The following FAM169A variants were observed in gnomAD, a reference collection of about 807,000 sequenced individuals.
FAM169A encodes family with sequence similarity 169 member A.
Under a neutral mutation model 75.7 loss-of-function variants are expected in FAM169A, and 24 were observed. The observed-to-expected ratio is 0.32, with a 90% confidence interval of 0.23 to 0.45. The LOEUF (loss-of-function observed/expected upper bound fraction) is 0.45. Ranked by LOEUF, FAM169A falls within the 20% of genes least tolerant of loss-of-function variation. FAM169A has a pLI of 1.00. For missense variants in FAM169A, 673 were observed against 784.0 expected (o/e 0.86, Z 1.69); for synonymous variants, 271 against 271.0 (o/e 1.00, Z 0.00).
chr5:74,793,723 G>A (rs1746102452), intron 11 of FAM169A, among the ~76,000 whole-genome samples: 1 of 152,094 alleles, frequency 6.6e-6, no homozygotes, highest in South Asian at 2.1e-4. Context: ...ACAAAAATAG[G>A]CTGAGCACAG....
At chr5:74,820,881 T>C (rs1377248203) in intron 5 of FAM169A, among the ~76,000 whole-genome samples, 2 of 152,196 alleles carry the variant, frequency 1.3e-5, no homozygotes, top group Non-Finnish European at 2.9e-5. Context: ...TCCTAATCCA[T>C]ATCAATCACT....
chr5:74,845,842 G>A (rs1749128528), intron 1 of FAM169A, among the ~76,000 whole-genome samples: 1 of 152,102 alleles, frequency 6.6e-6, no homozygotes, highest in African/African-American at 2.4e-5. Flanking sequence ...TAAAACAGTA[G>A]CTCTATTGTG....
chr5:74,866,109 C>T lies in FAM169A; in HGVS notation c.-4+56G>A, dbSNP rs1750326944. 1.2e-5 allele frequency: 11 copies of T among 880,556 alleles called. 1 individual carries two copies. The South Asian group carries it at 5.2e-4, about 41-fold the overall frequency. The allele number at this position is 880,556 out of a possible 1,614,324, so 54.5% of individuals were successfully genotyped here. On this transcript the variant is annotated intron_variant, in intron 1 of 12. Transcript: ENST00000687041. ...GTGCTGGCGGGGGCGCGGGGCCCGG[C>T]GCGGCCGTCTCGGCCTCACCCAGCG...
In FAM169A at chr5:74,783,043, A is replaced by G. The variant is rs1745490395; in HGVS notation, c.1352T>C (p.Val451Ala). Reference sequence around the variant, plus strand: ...CTGCAATTTTAATTCTTCATCTAAAACTTCACTAGTGGAGTCTTCCTCTTC... The same window carrying G: ...CTGCAATTTTAATTCTTCATCTAAAGCTTCACTAGTGGAGTCTTCCTCTTC... Reference protein sequence around the residue: ...ITEEEDSTSEVLDEELKLQPF... With the variant: ...ITEEEDSTSEALDEELKLQPF... Residue 451 changes from valine (V) to alanine (A), a missense_variant, in exon 12 of 13, where the codon GTT (valine) becomes GCT (alanine). Val to Ala is a moderately conservative substitution (Grantham distance 64, BLOSUM62 0). Around this residue, in one of 3 missense-constraint regions of FAM169A, gnomAD observed 510 missense variants for 550.9 expected, o/e 0.93. Coordinates refer to ENST00000687041, the MANE Select transcript of FAM169A (RefSeq NM_001376049.1). 1.2e-6 allele frequency: 2 copies of G among 1,613,778 alleles called. No homozygotes were observed. The highest frequency in any genetic ancestry group is 2.7e-5 in the African/African-American group (2 of 75,016).
At chr5:74,812,809 A>G (rs901448994) in intron 6 of FAM169A, among the ~76,000 whole-genome samples, 8 of 152,298 alleles carry the variant, frequency 5.3e-5, no homozygotes, top group Admixed American at 2.0e-4. Flanking sequence ...CAGATAACAA[A>G]TGTTGGTGAG....
At chr5:74,823,890 T>A (rs147920375) in intron 5 of FAM169A, among the ~76,000 whole-genome samples, 1 of 152,324 alleles carries the variant, frequency 6.6e-6, no homozygotes, top group African/African-American at 2.4e-5. Flanking sequence ...TCAATCCTTA[T>A]AATTTTACAT....
chr5:74,804,434 A>G (rs1265412134), intron 8 of FAM169A, 59 bp downstream of exon 8: 2 of 799,896 alleles, frequency 2.5e-6, no homozygotes, highest in South Asian at 2.8e-5. Flanking sequence ...ACCTGTATCT[A>G]TTTTTTAAAA....
At chr5:74,808,458 T>C (rs995802090) in intron 6 of FAM169A, among the ~76,000 whole-genome samples, 6 of 152,118 alleles carry the variant, frequency 3.9e-5, no homozygotes, top group African/African-American at 1.4e-4. Flanking sequence ...AGAAAACAGG[T>C]TACCTACCAG....
At chr5:74,831,637 C>G (rs924248513) in intron 5 of FAM169A, among the ~76,000 whole-genome samples, 1 of 152,182 alleles carries the variant, frequency 6.6e-6, no homozygotes, top group Non-Finnish European at 1.5e-5. Flanking sequence ...GTCTTGTTGG[C>G]GCTCAGAATG....
At chr5:74,828,161 TCA>T (rs1043409650) in intron 5 of FAM169A, among the ~76,000 whole-genome samples, 97 of 152,314 alleles carry the variant, frequency 6.4e-4, no homozygotes, top group African/African-American at 2.3e-3. Flanking sequence ...GTGCCACATA[TCA>T]CACAGTGATC....
At position 74,804,587 on chromosome 5, in the gene FAM169A, G is replaced by C. The variant is rs766459254; in HGVS notation, c.818C>G (p.Pro273Arg). 3 of 1,605,786 alleles carry C rather than the reference G, an allele frequency of 1.9e-6. No homozygotes were observed. The highest frequency in any genetic ancestry group is 2.2e-5 in the East Asian group (1 of 44,782). Residue 273 changes from proline (P) to arginine (R), a missense_variant, in exon 8 of 13, where the codon CCT (proline) becomes CGT (arginine). This residue lies in a region of FAM169A where 510 missense variants were observed against 550.9 expected (regional missense o/e 0.93). Coordinates refer to ENST00000687041, the MANE Select transcript of FAM169A (RefSeq NM_001376049.1). ...ATATTCTCCAGACATAGGTCTTTTA[G>C]GTTCATTTTGAGAAAGTGCTGCGTA... ...LKILALSQNE[P>R]KRPMSGEYGP...
intron 10 of FAM169A, chr5:74,799,591 G>T: frequency 6.8e-7 from 1 of 1,479,612 alleles, no homozygotes; most frequent in Non-Finnish European, 9.4e-7. Context: ...AGAGTCTGGT[G>T]GCGGTGGCAC....
In FAM169A at chr5:74,784,476, G is replaced by C. The variant is rs1428223064; in HGVS notation, c.1261-1342C>G. ...GAGCCAGAGAGATCATGCCACTGCAGTCCAGCCAAGGGAGACAGAGCAAGA... is the reference window on the plus strand; with the variant it reads ...GAGCCAGAGAGATCATGCCACTGCACTCCAGCCAAGGGAGACAGAGCAAGA... On this transcript the variant is annotated intron_variant, in intron 11 of 12. Coordinates refer to ENST00000687041, the MANE Select transcript of FAM169A (RefSeq NM_001376049.1). Among the ~76,000 whole-genome samples the C allele has an allele frequency of 2.4e-5, 3 of 123,236 alleles. No homozygotes were observed. The East Asian group carries it at 7.3e-4, about 30-fold the overall frequency. 80.8% of individuals were successfully genotyped at this position (123,236 alleles called of 152,430 possible).
chr5:74,837,868 A>G (rs1748649017), intron 4 of FAM169A, among the ~76,000 whole-genome samples: 2 of 152,134 alleles, frequency 1.3e-5, no homozygotes, highest in South Asian at 4.1e-4. Flanking sequence ...CTGTAATCCT[A>G]GCACTTTGGG....
Position 74,866,170 on chromosome 5 carries a change from A to AC in FAM169A, c.-10dup. 1 of 983,750 alleles carries AC rather than the reference A, an allele frequency of 1.0e-6. No individual in the cohort carries two copies. Among genetic ancestry groups the AC allele is most frequent in the East Asian group, 1.1e-4 (1 of 8,756 alleles). 60.9% of individuals were successfully genotyped at this position (983,750 alleles called of 1,614,324 possible). On this transcript the variant is annotated 5_prime_UTR_variant, in exon 1 of 13. Transcript: ENST00000687041. ...GGGAGAGGGAGCGCACTCACCTCAG[A>AC]CGCGCCCCGGGAGCCGCTGGAAGAG...
chr5:74,781,814 T>A lies in FAM169A; in HGVS notation c.1659A>T (p.Glu553Asp). 6.2e-7 allele frequency: 1 copy of A among 1,614,084 alleles called. No individual in the cohort carries two copies. The highest frequency in any genetic ancestry group is 8.5e-7 in the Non-Finnish European group (1 of 1,180,004). The change falls in exon 13 of 13, where the codon GAA becomes GAT. Residue 553 changes from glutamate (E) to aspartate (D), a missense_variant. Physicochemically the swap from Glu to Asp is conservative, Grantham distance 45 (BLOSUM62 2). Transcript: ENST00000687041. ...FPNSVIAEFSEEPVSENLSPN... is the reference protein window; with the variant it reads ...FPNSVIAEFSDEPVSENLSPN... ...GAGACAAATTCTCAGAGACCGGTTCTTCGGAAAATTCAGCTATCACAGAGT... is the reference window on the plus strand; with the variant it reads ...GAGACAAATTCTCAGAGACCGGTTCATCGGAAAATTCAGCTATCACAGAGT...
intron 11 of FAM169A, among the ~76,000 whole-genome samples, chr5:74,794,393 CA>C (rs993224219): frequency 4.7e-4 from 52 of 111,670 alleles, no homozygotes; most frequent in Admixed American, 7.7e-4. Flanking sequence ...GACTCCGTCT[CA>C]AAAAAAAAAA....
At chr5:74,800,722 A>C (rs1309843776) in intron 10 of FAM169A, among the ~76,000 whole-genome samples, 158 bp downstream of exon 10, 2 of 151,100 alleles carry the variant, frequency 1.3e-5, no homozygotes, top group Non-Finnish European at 2.9e-5. Context: ...AAATACCAAA[A>C]AGTATATTAA....
At chr5:74,793,707 AAT>A (rs1746101502) in intron 11 of FAM169A, among the ~76,000 whole-genome samples, 1 of 152,164 alleles carries the variant, frequency 6.6e-6, no homozygotes, top group Non-Finnish European at 1.5e-5. Flanking sequence ...AAACTACTGA[AAT>A]ATTACAAAAA....
Sources: gnomAD v4.1 joint callset for allele counts (sites outside exome capture counted in the v4.1 genomes callset) on GRCh38, gnomAD v4.1.1 for gene constraint, gnomAD v4.1.1 regional missense constraint, MANE v1.5 for transcripts, NCBI Gene and HGNC (gene_info 2026-07-23, HGNC 2026-07-21) for gene names.